Variants in DMXL1 observed in about 807,000 individuals in gnomAD.
DMXL1 encodes the protein Dmx like 1, also known as dmX-like protein 1.
Under a neutral mutation model 319.2 loss-of-function variants are expected in DMXL1, and 99 were observed. That is an observed-to-expected ratio of 0.31 (90% CI 0.26 to 0.37). DMXL1 has a LOEUF of 0.37. Among genes scored for constraint, DMXL1 ranks in the 10% least tolerant of loss-of-function variants. The probability of loss-of-function intolerance (pLI) is 1.00; values close to 1 mark genes in which losing one functional copy is unlikely to be tolerated. For missense variants in DMXL1, 3,745 were observed against 3,595.6 expected, an observed-to-expected ratio of 1.04 and a Z score of -1.06; for synonymous variants, 1,385 against 1,235.2, an observed-to-expected ratio of 1.12 and a Z score of -2.54.
intron 28 of DMXL1, among the ~76,000 whole-genome samples, chr5:119,179,306 CAA>C (rs137904079): frequency 0.012 from 1,375 of 119,044 alleles, 30 homozygotes; most frequent in East Asian, 0.11. Flanking sequence ...AATGTTTTTC[CAA>C]AAAAAAAAAA....
chr5:119,144,458 A>G (rs1768089664), intron 14 of DMXL1, 78 bp from the exon 15 acceptor site: 1 of 1,021,444 alleles, frequency 9.8e-7, no homozygotes, highest in Non-Finnish European at 1.5e-6. Context: ...TCTCATTATG[A>G]AGTATTATTT....
At chr5:119,173,379 CATT>C (rs1775000261) in intron 25 of DMXL1, among the ~76,000 whole-genome samples, 1 of 149,044 alleles carries the variant, frequency 6.7e-6, no homozygotes, top group Admixed American at 6.7e-5. Context: ...TGTCCTGAAA[CATT>C]AGTGGCTTAA....
At chr5:119,177,056 T>G (rs1775938134) in intron 26 of DMXL1, among the ~76,000 whole-genome samples, 1 of 152,182 alleles carries the variant, frequency 6.6e-6, no homozygotes, top group Admixed American at 6.5e-5. Flanking sequence ...GACTTCATTT[T>G]CAACCAGATA....
intron 13 of DMXL1, among the ~76,000 whole-genome samples, chr5:119,137,059 T>G (rs1465053076): frequency 1.3e-5 from 2 of 152,160 alleles, no homozygotes; most frequent in African/African-American, 4.8e-5. Context: ...AACACTAGCC[T>G]GTGAAAGCAG....
At chr5:119,243,503 T>C (rs1169232646) in intron 42 of DMXL1, among the ~76,000 whole-genome samples, 1 of 152,116 alleles carries the variant, frequency 6.6e-6, no homozygotes, top group African/African-American at 2.4e-5. Context: ...TATATGCAGA[T>C]TTTTTTCCCT....
chr5:119,189,823 A>G lies in DMXL1; in HGVS notation c.7251A>G (p.Ser2417=), dbSNP rs993445617. Residue 2417 remains serine (S), a synonymous_variant, in exon 29 of 44, where the codon TCA becomes TCG. Transcript: ENST00000539542. ...TPSSAPVSQE[S]LAVKEKFIPP... is the part of the protein sequence containing the mutation. ...CCTCGGCACCAGTAAGCCAGGAGTC[A>G]CTGGCGGTTAAAGAAAAGTTCATCC... 3.1e-6 allele frequency: 5 copies of G among 1,614,008 alleles called. No homozygotes were observed. In the African/African-American group the frequency reaches 5.3e-5, roughly 17 times the overall value.
chr5:119,210,203 G>A (rs1317882861), intron 34 of DMXL1, among the ~76,000 whole-genome samples: 4 of 151,998 alleles, frequency 2.6e-5, no homozygotes, highest in Admixed American at 6.6e-5. Context: ...TGCCCACCTC[G>A]GCCTCCTAAA....
chr5:119,099,956 G>A (rs1191177318), intron 2 of DMXL1, among the ~76,000 whole-genome samples: 2 of 152,116 alleles, frequency 1.3e-5, no homozygotes, highest in African/African-American at 4.8e-5. Context: ...AGCTCTGGTG[G>A]CACCACTGCA....
At chr5:119,224,190 A>G (rs1229015030) in intron 37 of DMXL1, among the ~76,000 whole-genome samples, 3 of 152,070 alleles carry the variant, frequency 2.0e-5, no homozygotes, top group East Asian at 1.9e-4. Context: ...AAGATAACAT[A>G]TATTTGTAGT....
chr5:119,235,793 A>G (rs1026292676), intron 39 of DMXL1, among the ~76,000 whole-genome samples: 2 of 152,148 alleles, frequency 1.3e-5, no homozygotes, highest in African/African-American at 4.8e-5. Flanking sequence ...TAGGAGAACA[A>G]TATCCACAGA....
chr5:119,143,966 A>T, intron 14 of DMXL1, 36 bp downstream of exon 14: 1 of 1,362,148 alleles, frequency 7.3e-7, no homozygotes. Flanking sequence ...TATATTAAAA[A>T]AAAGTTTATG....
intron 38 of DMXL1, among the ~76,000 whole-genome samples, chr5:119,226,183 C>A (rs10037918): frequency 0.93 from 140,836 of 152,172 alleles, 65,270 homozygotes; most frequent in East Asian, 1. Context: ...AGAGATAAAT[C>A]CTTTCTCTGT....
At chr5:119,089,471 C>A (rs1307737965) in intron 1 of DMXL1, among the ~76,000 whole-genome samples, 7 of 148,918 alleles carry the variant, frequency 4.7e-5, no homozygotes, top group Non-Finnish European at 8.9e-5. Flanking sequence ...ACACCCTGCT[C>A]ATTTTTGTAT....
chr5:119,093,844 A>T (rs1323453820), intron 1 of DMXL1, among the ~76,000 whole-genome samples: 3 of 152,226 alleles, frequency 2.0e-5, no homozygotes, highest in African/African-American at 7.2e-5. Flanking sequence ...GTCTGGCTAG[A>T]AGATCAGACC....
chr5:119,233,300 C>A lies in DMXL1; in HGVS notation c.8339-40C>A, dbSNP rs368866061. On this transcript the variant is annotated intron_variant, in intron 38 of 43. Coordinates refer to ENST00000539542, the MANE Select transcript of DMXL1 (RefSeq NM_001290321.3). ...AAAGAAATAACTTTTCCCAAAGATT[C>A]TTGAAATAAATCTGCAATTTTTGCC... The A allele has an allele frequency of 1.9e-5, 30 of 1,584,550 alleles. No homozygotes were observed. In the African/African-American group the frequency reaches 3.1e-4, roughly 17 times the overall value.
intron 2 of DMXL1, 130 bp from the exon 3 acceptor site, chr5:119,101,805 A>G: frequency 1.5e-6 from 1 of 660,594 alleles, no homozygotes; most frequent in East Asian, 2.9e-5. Context: ...CAAAACTGAC[A>G]TTCTTAAGCA....
rs1784583652 is a variant in DMXL1, at chr5:119,221,170, T to G, written c.8277+89T>G. 3.1e-6 allele frequency: 3 copies of G among 976,272 alleles called. No individual in the cohort carries two copies. The East Asian group carries it at 8.1e-5, about 26-fold the overall frequency. The allele number at this position is 976,272 out of a possible 1,614,324, so 60.5% of individuals were successfully genotyped here. A position where few individuals can be genotyped will look rare whatever the true frequency, so the allele number is the denominator to read the frequency against. On this transcript the variant is annotated intron_variant, in intron 37 of 43. Coordinates refer to ENST00000539542, the MANE Select transcript of DMXL1 (RefSeq NM_001290321.3). ...GATAAAGGATGATTTAAAACATTTT[T>G]CTTAATTCCTAAAGTTTTAGTAAGT... is the stretch of plus-strand genomic sequence containing the variant.
chr5:119,131,742 C>G (rs1444302660), intron 10 of DMXL1, among the ~76,000 whole-genome samples: 2 of 152,180 alleles, frequency 1.3e-5, no homozygotes, highest in Non-Finnish European at 2.9e-5. Context: ...TCCACTGACT[C>G]AGTCCTGTAT....
chr5:119,110,178 A>AT lies in DMXL1; in HGVS notation c.395dup (p.Leu132PhefsTer8). 1 of 1,598,002 alleles carries AT rather than the reference A, an allele frequency of 6.3e-7. No individual in the cohort carries two copies. The highest frequency in any genetic ancestry group is 8.5e-7 in the Non-Finnish European group (1 of 1,175,204). On this transcript the variant is annotated frameshift_variant, in exon 5 of 44. Transcript: ENST00000539542. LOFTEE classifies it high-confidence loss of function. ...AGTCGTCTTTTAACTGGTTCCAGCT[A>AT]TTTGCAACTCTGGTCCAATACTAAC...
Sources: gnomAD v4.1 joint callset for allele counts (sites outside exome capture counted in the v4.1 genomes callset) on GRCh38, gnomAD v4.1.1 for gene constraint, MANE v1.5 for transcripts, NCBI Gene and HGNC (gene_info 2026-07-23, HGNC 2026-07-21) for gene names.